Variants in PLK1 observed in about 807,000 individuals in gnomAD.
PLK1 encodes polo like kinase 1.
Under a neutral mutation model 56.7 loss-of-function variants are expected in PLK1, and 6 were observed. That is an observed-to-expected ratio of 0.11 (90% CI 0.06 to 0.21). PLK1 has a LOEUF of 0.21. Ranked by LOEUF, PLK1 falls within the 10% of genes least tolerant of loss-of-function variation. The probability of loss-of-function intolerance (pLI) is 1.00; values close to 1 mark genes in which losing one functional copy is unlikely to be tolerated. For synonymous variants in PLK1, 298 were observed against 325.0 expected, an observed-to-expected ratio of 0.92 and a Z score of 0.89; for missense variants, 546 against 814.4, an observed-to-expected ratio of 0.67 and a Z score of 4.01.
chr16:23,682,720 C>T (rs1472397561), intron 4 of PLK1, among the ~76,000 whole-genome samples: 14 of 144,678 alleles, frequency 9.7e-5, no homozygotes, highest in African/African-American at 1.8e-4. Context: ...TTAGTAGAGA[C>T]GGGGTTTCAC....
intron 3 of PLK1, among the ~76,000 whole-genome samples, chr16:23,681,740 C>T (rs143837222): frequency 0.011 from 1,659 of 152,256 alleles, 17 homozygotes; most frequent in South Asian, 0.018. Flanking sequence ...CTTCTGTAAG[C>T]GCAGGTAGCC....
intron 5 of PLK1, among the ~76,000 whole-genome samples, chr16:23,686,428 G>T (rs1283717844): frequency 1.3e-5 from 2 of 152,212 alleles, no homozygotes; most frequent in South Asian, 2.1e-4. Flanking sequence ...CATTTGGACA[G>T]ACTGTTTTAT....
In PLK1 at chr16:23,687,631, A is replaced by G. The variant is rs1357362365; in HGVS notation, c.1192+7A>G. 23 of 1,551,290 alleles carry G rather than the reference A, an allele frequency of 1.5e-5. No homozygotes were observed. Among genetic ancestry groups the G allele is most frequent in the East Asian group, 4.8e-5 (2 of 41,698 alleles). On this transcript the variant is annotated splice_region_variant and intron_variant, in intron 6 of 9. Transcript: ENST00000300093. ...CGTGGGCTGGTCAGGCAAGGTGGGT[A>G]CTGCGGGGCCCTGGGCGGGGCAGGA...
At chr16:23,681,122 C>A (rs929190864) in intron 3 of PLK1, 64 bp downstream of exon 3, 14 of 1,445,294 alleles carry the variant, frequency 9.7e-6, no homozygotes, top group Middle Eastern at 2.1e-4. Flanking sequence ...GACATCCTAC[C>A]TGGCTGACCT....
At chr16:23,681,590 G>C (rs1315023368) in intron 3 of PLK1, among the ~76,000 whole-genome samples, 1 of 152,188 alleles carries the variant, frequency 6.6e-6, no homozygotes, top group Non-Finnish European at 1.5e-5. Flanking sequence ...GCCTTTTCAG[G>C]TGTTATCTTT....
chr16:23,679,590 C>T, intron 1 of PLK1: 1 of 486,752 alleles, frequency 2.1e-6, no homozygotes. Context: ...AAGTCAGCTT[C>T]TGGACGCGAG....
chr16:23,680,349 T>C (rs558953810), intron 2 of PLK1, 97 bp downstream of exon 2: 2 of 963,752 alleles, frequency 2.1e-6, no homozygotes, highest in East Asian at 2.4e-5. Context: ...CACAAGTCAG[T>C]ATCTTGCCTA....
intron 7 of PLK1, 149 bp downstream of exon 7, chr16:23,688,894 C>A: frequency 1.5e-6 from 1 of 653,442 alleles, no homozygotes; most frequent in Non-Finnish European, 2.7e-6. Flanking sequence ...GCTCCCAGTG[C>A]TCCCTGACTC....
chr16:23,688,602 CAT>C lies in PLK1; in HGVS notation c.1193-65_1193-64del, dbSNP rs1054907482. ...CTTCCCTGTTCCCTGGTGTGGGCCA[CAT>C]GTGTGGAGCAGAGGGGAAGAGGCTG... On this transcript the variant is annotated intron_variant, in intron 6 of 9. Coordinates refer to ENST00000300093, the MANE Select transcript of PLK1 (RefSeq NM_005030.6). The C allele has an allele frequency of 1.1e-4, 134 of 1,260,698 alleles. 1 individual carries two copies. In the Admixed American group the frequency reaches 2.2e-3, roughly 21 times the overall value. The allele number at this position is 1,260,698 out of a possible 1,614,324, so 78.1% of individuals were successfully genotyped here.
chr16:23,685,008 G>A (rs1347460361), intron 5 of PLK1, among the ~76,000 whole-genome samples: 2 of 114,240 alleles, frequency 1.8e-5, no homozygotes, highest in South Asian at 2.8e-4. Flanking sequence ...TTGAGACAGG[G>A]TCTGGCTCTG....
chr16:23,689,232 C>T lies in PLK1; in HGVS notation c.1271-6C>T, dbSNP rs772368592. On this transcript the variant is annotated splice_polypyrimidine_tract_variant and splice_region_variant and intron_variant, in intron 7 of 9. Transcript: ENST00000300093. The surrounding 1 kb of genome is among the most constrained non-coding windows in gnomAD (Gnocchi z 4.8). The stretch of plus-strand genomic sequence containing the variant: ...CTTTCTGAGACCTCTCTCCACCGAT[C>T]CCTAGGGTATCAGCTCTGTGATAAC... The T allele has an allele frequency of 1.7e-5, 28 of 1,604,590 alleles. No individual in the cohort carries two copies. In the South Asian group the frequency reaches 2.8e-4, roughly 16 times the overall value.
chr16:23,681,954 A>AGAGT (rs1959337207), intron 3 of PLK1, 110 bp from the exon 4 acceptor site: 1 of 681,006 alleles, frequency 1.5e-6, no homozygotes, highest in South Asian at 1.8e-5. Flanking sequence ...CCCCAGAGTT[A>AGAGT]GAGTGAGTGT....
intron 5 of PLK1, among the ~76,000 whole-genome samples, chr16:23,686,050 T>A (rs960660448): frequency 3.9e-5 from 6 of 152,216 alleles, no homozygotes; most frequent in Admixed American, 3.9e-4. Context: ...TTTATTTTTT[T>A]AAATTTGAGA....
intron 5 of PLK1, among the ~76,000 whole-genome samples, chr16:23,685,743 G>T (rs2140999840): frequency 6.6e-6 from 1 of 151,388 alleles, no homozygotes; most frequent in Non-Finnish European, 1.5e-5. Flanking sequence ...GTAAAGACAA[G>T]ATCTCACTAT....
chr16:23,684,394 C>T (rs1257961618), intron 5 of PLK1, among the ~76,000 whole-genome samples: 1 of 152,206 alleles, frequency 6.6e-6, no homozygotes, highest in Non-Finnish European at 1.5e-5. Context: ...CCTCTATTTT[C>T]CAGGTTGGAG....
chr16:23,678,894 C>G lies in PLK1; in HGVS notation c.-39C>G. On this transcript the variant is annotated 5_prime_UTR_variant, in exon 1 of 10. Coordinates refer to ENST00000300093, the MANE Select transcript of PLK1 (RefSeq NM_005030.6). ...GGGGAGGAGCGGAGCGGTGCGGAGG[C>G]TCTGCTCGGATCGAGGTCTGCAGCG... 3.4e-6 allele frequency: 5 copies of G among 1,451,948 alleles called. No homozygotes were observed. Among genetic ancestry groups the G allele is most frequent in the Non-Finnish European group, 4.5e-6 (5 of 1,099,750 alleles). 89.9% of individuals were successfully genotyped at this position (1,451,948 alleles called of 1,614,324 possible).
At chr16:23,688,609 G>A in intron 6 of PLK1, 59 bp from the exon 7 acceptor site, 1 of 1,314,414 alleles carries the variant, frequency 7.6e-7, no homozygotes, top group Non-Finnish European at 1.1e-6. Flanking sequence ...CCACATGTGT[G>A]GAGCAGAGGG....
intron 5 of PLK1, among the ~76,000 whole-genome samples, chr16:23,684,409 G>C (rs1959391117): frequency 6.6e-6 from 1 of 152,186 alleles, no homozygotes; most frequent in Non-Finnish European, 1.5e-5. Context: ...TTGGAGTGCA[G>C]AGGCACAATC....
intron 4 of PLK1, 141 bp from the exon 5 acceptor site, chr16:23,683,729 C>A: frequency 1.4e-6 from 1 of 715,442 alleles, no homozygotes; most frequent in African/African-American, 1.7e-5. Flanking sequence ...TGGCATTGAA[C>A]CAAGTTGTGA....
Sources: allele counts gnomAD v4.1 joint callset (sites outside exome capture counted in the v4.1 genomes callset), GRCh38; gene constraint gnomAD v4.1.1; non-coding constraint Gnocchi (gnomAD v3.1); transcripts MANE v1.5; gene names NCBI Gene and HGNC (gene_info 2026-07-23, HGNC 2026-07-21).